ASAP1: variants seen among roughly 807,000 people sequenced by gnomAD.
The protein encoded by ASAP1 is ArfGAP with SH3 domain, ankyrin repeat and PH domain 1.
In ASAP1, 43 loss-of-function variants were observed where a neutral mutation model predicts 145.2. That is an observed-to-expected ratio of 0.30 (90% CI 0.23 to 0.38). The LOEUF (loss-of-function observed/expected upper bound fraction) is 0.38, where lower values mean the gene tolerates loss of function less well. ASAP1 is among the 10% of genes least tolerant of loss of function. The probability of loss-of-function intolerance (pLI) is 1.00; values close to 1 mark genes in which losing one functional copy is unlikely to be tolerated. For synonymous variants in ASAP1, 546 were observed against 515.5 expected (o/e 1.06, Z -0.80); for missense variants, 1,018 against 1,355.3 (o/e 0.75, Z 3.91).
At chr8:130,072,729 T>G (rs566326301) in intron 27 of ASAP1, among the ~76,000 whole-genome samples, 1 of 149,200 alleles carries the variant, frequency 6.7e-6, no homozygotes, top group Non-Finnish European at 1.5e-5. Context: ...AAAGAGGGAG[T>G]TGTAGGAGCC....
Position 130,340,944 on chromosome 8 carries a change from G to T in ASAP1, c.186+17073C>A, listed in dbSNP as rs1565224734. ...AGTCTTCAAGGGAATAAAATACTAG[G>T]TTTTTTTTTGTTTTTGTTTTTGTTT... On this transcript the variant is annotated intron_variant, in intron 3 of 29. Transcript: ENST00000518721. 6.8e-6 allele frequency: 3 copies of T among 444,442 alleles called. No homozygotes were observed. The East Asian group carries it at 2.1e-4, about 31-fold the overall frequency. The allele number at this position is 444,442 out of a possible 1,614,324, so 27.5% of individuals were successfully genotyped here.
At chr8:130,392,464 T>C (rs28587625) in intron 2 of ASAP1, among the ~76,000 whole-genome samples, 82,672 of 152,112 alleles carry the variant, frequency 0.54, 23,117 homozygotes, top group African/African-American at 0.69. Flanking sequence ...TAACAATTAG[T>C]ATTTAGTAAG....
intron 27 of ASAP1, among the ~76,000 whole-genome samples, chr8:130,074,911 C>A (rs2097458818): frequency 6.6e-6 from 1 of 152,160 alleles, no homozygotes; most frequent in East Asian, 1.9e-4. Flanking sequence ...GAACCCAGCA[C>A]AGGAGGGGCA....
intron 4 of ASAP1, among the ~76,000 whole-genome samples, chr8:130,228,518 C>T (rs1003111002): frequency 2.6e-5 from 4 of 151,764 alleles, no homozygotes; most frequent in Admixed American, 2.0e-4. Context: ...CTGGGAAACA[C>T]GGCAAAACCA....
chr8:130,391,784 A>G (rs116739542), intron 2 of ASAP1, among the ~76,000 whole-genome samples: 119 of 152,374 alleles, frequency 7.8e-4, no homozygotes, highest in African/African-American at 2.6e-3. Context: ...AGCACATTAT[A>G]CCTTTTTAGA....
intron 3 of ASAP1, among the ~76,000 whole-genome samples, chr8:130,349,514 AT>A (rs1194565050): frequency 6.6e-6 from 1 of 152,242 alleles, no homozygotes; most frequent in Non-Finnish European, 1.5e-5. Flanking sequence ...GTAGGTACTT[AT>A]CCCCATGAGG....
At chr8:130,237,494 T>C (rs1433901389) in intron 3 of ASAP1, among the ~76,000 whole-genome samples, 1 of 151,278 alleles carries the variant, frequency 6.6e-6, no homozygotes. Flanking sequence ...CGATTTCTTT[T>C]AGTGTTAAAA....
At chr8:130,262,392 C>CAAAAAAAA (rs1204651464) in intron 3 of ASAP1, among the ~76,000 whole-genome samples, 2 of 35,710 alleles carry the variant, frequency 5.6e-5, no homozygotes, top group African/African-American at 2.6e-4. Context: ...GACTCCATCT[C>CAAAAAAAA]AAAAAAAAAA....
chr8:130,304,121 A>T (rs1424476307), intron 3 of ASAP1, among the ~76,000 whole-genome samples: 1 of 151,348 alleles, frequency 6.6e-6, no homozygotes, highest in Non-Finnish European at 1.5e-5. Flanking sequence ...ACTGCTCTTT[A>T]AAAAAAAACT....
intron 3 of ASAP1, among the ~76,000 whole-genome samples, chr8:130,322,531 A>G (rs1410678553): frequency 6.6e-6 from 1 of 152,222 alleles, no homozygotes; most frequent in East Asian, 1.9e-4. Context: ...TATCTTAAGT[A>G]ATTAAATACA....
rs1830490768 is a variant in ASAP1, at chr8:130,441,616, TG to T, written c.-28+1843del. Among the ~76,000 whole-genome samples, 6 of 152,312 alleles carry T rather than the reference TG, an allele frequency of 3.9e-5. 1 individual carries two copies. The highest frequency in any genetic ancestry group is 1.4e-4 in the African/African-American group (6 of 41,556). On this transcript the variant is annotated intron_variant, in intron 1 of 29. Coordinates refer to ENST00000518721, the MANE Select transcript of ASAP1 (RefSeq NM_018482.4). ...CTAGGTGCAGCATGGAGATGCCAGC[TG>T]GGACGTGAGTCTTCACAAGGGAGGG...
chr8:130,112,104 G>A lies in ASAP1; in HGVS notation c.2391C>T (p.Asn797=), dbSNP rs1399096633. The A allele has an allele frequency of 9.3e-6, 15 of 1,613,628 alleles. No individual in the cohort carries two copies. The highest frequency in any genetic ancestry group is 1.3e-5 in the African/African-American group (1 of 74,902). The change falls in exon 24 of 30, where the codon AAC becomes AAT. Residue 797 remains asparagine (N), a synonymous_variant. Transcript: ENST00000518721. ...TTEAPPLPPR[N]AGKGPTGPPS... is the part of the protein sequence containing the mutation. Reference sequence around the variant, plus strand: ...TCTCAAAGCCCATACCTTTCCCGGCGTTCCTAGGAGGCAGAGGGGGAGCCT... The same window carrying A: ...TCTCAAAGCCCATACCTTTCCCGGCATTCCTAGGAGGCAGAGGGGGAGCCT...
intron 3 of ASAP1, among the ~76,000 whole-genome samples, chr8:130,332,849 T>C (rs1370675145): frequency 6.6e-6 from 1 of 152,016 alleles, no homozygotes; most frequent in Non-Finnish European, 1.5e-5. Context: ...ATTTTATTTT[T>C]GTAAAAAAAA....
At chr8:130,101,461 ACT>A (rs765090901) in intron 24 of ASAP1, among the ~76,000 whole-genome samples, 1 of 151,654 alleles carries the variant, frequency 6.6e-6, no homozygotes, top group Non-Finnish European at 1.5e-5. Context: ...TTCTTTTATC[ACT>A]GTTTTATAAG....
chr8:130,291,792 G>A (rs767573813), intron 3 of ASAP1, among the ~76,000 whole-genome samples: 1 of 152,150 alleles, frequency 6.6e-6, no homozygotes, highest in Non-Finnish European at 1.5e-5. Flanking sequence ...TAGATCCCAA[G>A]ATGCCATATG....
intron 7 of ASAP1, among the ~76,000 whole-genome samples, chr8:130,185,107 A>G (rs532047342): frequency 1.2e-4 from 19 of 152,206 alleles, no homozygotes; most frequent in Admixed American, 3.9e-4. Flanking sequence ...TTATAACAGC[A>G]TAAGTCCCAG....
At chr8:130,163,288 A>G (rs1159504467) in intron 11 of ASAP1, among the ~76,000 whole-genome samples, 5 of 152,258 alleles carry the variant, frequency 3.3e-5, no homozygotes, top group African/African-American at 9.6e-5. Context: ...GGATTCAGAC[A>G]CTAACAACTT....
At chr8:130,121,348 CTA>C (rs2097565480) in intron 18 of ASAP1, among the ~76,000 whole-genome samples, 1 of 152,180 alleles carries the variant, frequency 6.6e-6, no homozygotes, top group Non-Finnish European at 1.5e-5. Flanking sequence ...GACAGCTGTC[CTA>C]TGTTTAGCAC....
Position 130,136,957 on chromosome 8 carries a change from T to C in ASAP1, c.1162A>G (p.Ile388Val), listed in dbSNP as rs764031649. Residue 388 changes from isoleucine to valine, a missense_variant, in exon 14 of 30, where the codon ATA (isoleucine) becomes GTA (valine). This residue lies in a region of ASAP1 where 153 missense variants were observed against 221.6 expected (regional missense o/e 0.69). Coordinates refer to ENST00000518721, the MANE Select transcript of ASAP1 (RefSeq NM_018482.4). ...NAEDKKSFDL[I>V]SHNRTYHFQA... ...AGAGAGAAAAAGGACTCACGTGATA[T>C]CAGGTCAAAAGATTTTTTGTCTTCG... 6.2e-7 allele frequency: 1 copy of C among 1,614,026 alleles called. No individual in the cohort carries two copies. The highest frequency in any genetic ancestry group is 8.5e-7 in the Non-Finnish European group (1 of 1,179,868).
Sources: allele counts gnomAD v4.1 joint callset (sites outside exome capture counted in the v4.1 genomes callset), GRCh38; gene constraint gnomAD v4.1.1; regional missense constraint gnomAD v4.1.1; transcripts MANE v1.5; gene names NCBI Gene and HGNC (gene_info 2026-07-23, HGNC 2026-07-21).